The following CNTN3 variants were observed in gnomAD, a reference collection of about 807,000 sequenced individuals.
The protein encoded by CNTN3 is contactin-3.
CNTN3 carries 60 observed loss-of-function variants against 119.1 expected under a neutral mutation model. That is an observed-to-expected ratio of 0.50 (90% CI 0.41 to 0.62). The LOEUF (loss-of-function observed/expected upper bound fraction) is 0.62. Ranked by LOEUF, CNTN3 falls within the 20% of genes least tolerant of loss-of-function variation. The pLI is 0.00. For missense variants in CNTN3, 1,101 were observed against 1,242.4 expected, an observed-to-expected ratio of 0.89 and a Z score of 1.71; for synonymous variants, 450 against 438.7, an observed-to-expected ratio of 1.03 and a Z score of -0.32.
intron 1 of CNTN3, among the ~76,000 whole-genome samples, chr3:74,571,066 G>C (rs1319576908): frequency 6.6e-6 from 1 of 152,142 alleles, no homozygotes; most frequent in Non-Finnish European, 1.5e-5. Context: ...GCAAAGATAA[G>C]TGCTTTTCCG....
chr3:74,341,318 A>T (rs1703540021), intron 11 of CNTN3, among the ~76,000 whole-genome samples: 1 of 152,190 alleles, frequency 6.6e-6, no homozygotes, highest in East Asian at 1.9e-4. Context: ...ATTTTATACC[A>T]CTTCACTATA....
chr3:74,342,177 C>T (rs1703564175), intron 11 of CNTN3, among the ~76,000 whole-genome samples: 1 of 151,926 alleles, frequency 6.6e-6, no homozygotes, highest in Admixed American at 6.6e-5. Flanking sequence ...AGAAAATAAA[C>T]ATGAGAGAAA....
intron 11 of CNTN3, among the ~76,000 whole-genome samples, chr3:74,343,401 G>A (rs1703598262): frequency 6.6e-6 from 1 of 152,230 alleles, no homozygotes; most frequent in Admixed American, 6.5e-5. Flanking sequence ...TTTCTCTGGG[G>A]AGTCATTAGA....
intron 13 of CNTN3, among the ~76,000 whole-genome samples, chr3:74,330,260 C>G (rs1290459661): frequency 6.6e-6 from 1 of 151,816 alleles, no homozygotes; most frequent in Non-Finnish European, 1.5e-5. Context: ...GGAGGCTGAG[C>G]CTTGAGGATC....
chr3:74,442,974 A>C (rs982694393), intron 4 of CNTN3, among the ~76,000 whole-genome samples: 1 of 152,226 alleles, frequency 6.6e-6, no homozygotes, highest in African/African-American at 2.4e-5. Flanking sequence ...TATAGATTCA[A>C]TATCTGCCTC....
Position 74,285,307 on chromosome 3 carries a change from G to A in CNTN3, c.2702C>T (p.Thr901Met), listed in dbSNP as rs141921900. The change falls in exon 20 of 23, where the codon ACG (threonine) becomes ATG (methionine). Residue 901 changes from threonine (T) to methionine (M), a missense_variant and splice_region_variant. Thr to Met is a moderately conservative substitution (Grantham distance 81, BLOSUM62 -1). Transcript: ENST00000263665. Reference sequence around the variant, plus strand: ...CAAAGAAATCAGAATATACTTACGCGTTTTCTTGGTGGTTACATTAACTGT... The same window carrying A: ...CAAAGAAATCAGAATATACTTACGCATTTTCTTGGTGGTTACATTAACTGT... ...SATVNVTTKK[T>M]PPSQPPGNVV... is the part of the protein sequence containing the mutation. 9.6e-3 allele frequency: 15,374 copies of A among 1,601,278 alleles called. 89 individuals carry two copies. Among genetic ancestry groups the A allele is most frequent in the Non-Finnish European group, 0.011 (13,338 of 1,175,724 alleles).
In CNTN3 at chr3:74,338,378, A is replaced by G. The variant is rs146626709; in HGVS notation, c.1365-1720T>C. ...AAGATAGATTTTGTTTTATTTATAT[A>G]TGCATATGTGTATGTGTGTATATAT... On this transcript the variant is annotated intron_variant, in intron 11 of 22. Coordinates refer to ENST00000263665, the MANE Select transcript of CNTN3 (RefSeq NM_020872.3). Among the ~76,000 whole-genome samples, 1,193 of 152,050 alleles carry G rather than the reference A, an allele frequency of 7.8e-3. 18 individuals are homozygous for G. The highest frequency in any genetic ancestry group is 0.027 in the African/African-American group (1,117 of 41,470).
At chr3:74,597,077 A>G (rs1704825673) in intron 1 of CNTN3, among the ~76,000 whole-genome samples, 1 of 152,052 alleles carries the variant, frequency 6.6e-6, no homozygotes, top group Non-Finnish European at 1.5e-5. Context: ...TAAGGTTACA[A>G]CTTAATGAGA....
chr3:74,527,748 C>G lies in CNTN3; in HGVS notation c.-80-6556G>C, dbSNP rs115848684. Among the ~76,000 whole-genome samples the G allele has an allele frequency of 4.1e-3, 622 of 152,016 alleles. 2 individuals carry two copies. The highest frequency in any genetic ancestry group is 0.014 in the African/African-American group (561 of 41,534). Reference sequence around the variant, plus strand: ...CCTCAAATTAACTTGGCCAATTCCACGTCACACTGCTTTACAAGCCTCTCC... The same window carrying G: ...CCTCAAATTAACTTGGCCAATTCCAGGTCACACTGCTTTACAAGCCTCTCC... On this transcript the variant is annotated intron_variant, in intron 1 of 22. Transcript: ENST00000263665.
At chr3:74,351,330 A>G (rs1286191132) in intron 11 of CNTN3, among the ~76,000 whole-genome samples, 1 of 152,212 alleles carries the variant, frequency 6.6e-6, no homozygotes, top group Non-Finnish European at 1.5e-5. Flanking sequence ...CCTATCAGGG[A>G]AACCAATCTC....
chr3:74,365,062 A>G (rs1704157248), intron 9 of CNTN3, among the ~76,000 whole-genome samples: 1 of 152,160 alleles, frequency 6.6e-6, no homozygotes, highest in Non-Finnish European at 1.5e-5. Context: ...GTTTCTAGGT[A>G]GTATGAAAGG....
intron 4 of CNTN3, among the ~76,000 whole-genome samples, chr3:74,474,911 A>G (rs1260389044): frequency 6.6e-6 from 1 of 152,110 alleles, no homozygotes; most frequent in African/African-American, 2.4e-5. Context: ...TGCTCTGGCA[A>G]TGTGACATGC....
At chr3:74,430,662 AT>A (rs1441885859) in intron 4 of CNTN3, among the ~76,000 whole-genome samples, 3 of 152,082 alleles carry the variant, frequency 2.0e-5, no homozygotes, top group African/African-American at 7.2e-5. Flanking sequence ...GAGTGTCGTT[AT>A]CAAAGGGTAC....
intron 2 of CNTN3, among the ~76,000 whole-genome samples, chr3:74,503,440 T>A (rs1214860483): frequency 6.6e-6 from 1 of 152,100 alleles, no homozygotes; most frequent in Admixed American, 6.5e-5. Context: ...GACAGGTCAG[T>A]GCATGCTTCA....
Position 74,594,292 on chromosome 3 carries a change from CT to C in CNTN3, c.-81+20098del, listed in dbSNP as rs1332210790. Among the ~76,000 whole-genome samples, 12 of 102,984 alleles carry C rather than the reference CT, an allele frequency of 1.2e-4. 1 individual carries two copies. The highest frequency in any genetic ancestry group is 7.7e-4 in the South Asian group (2 of 2,606). The allele number at this position is 102,984 out of a possible 152,430, so 67.6% of individuals were successfully genotyped here. On this transcript the variant is annotated intron_variant, in intron 1 of 22. Transcript: ENST00000263665. ...TTTTTTCTTTTTTTTTTTTTTTTTA[CT>C]TTTTTTTTAATTATTATACTTTAAG...
chr3:74,357,657 T>G (rs560639164), intron 11 of CNTN3, among the ~76,000 whole-genome samples: 12 of 152,150 alleles, frequency 7.9e-5, no homozygotes, highest in Non-Finnish European at 1.6e-4. Flanking sequence ...ATGATACATA[T>G]ATAGAATATT....
At chr3:74,565,540 A>T (rs1365555842) in intron 1 of CNTN3, among the ~76,000 whole-genome samples, 1 of 152,178 alleles carries the variant, frequency 6.6e-6, no homozygotes, top group Admixed American at 6.5e-5. Flanking sequence ...TAACATATTC[A>T]TAGGTTCCAG....
At chr3:74,504,000 A>C (rs1703209878) in intron 2 of CNTN3, among the ~76,000 whole-genome samples, 1 of 152,144 alleles carries the variant, frequency 6.6e-6, no homozygotes, top group Non-Finnish European at 1.5e-5. Context: ...TAAAAGATCA[A>C]ACCGCAGACG....
Position 74,428,798 on chromosome 3 carries a change from G to A in CNTN3, c.359-3858C>T, listed in dbSNP as rs559077156. ...TTCACCCACAACAGCCTCCAGTCCC[G>A]CAAGCTCCATTCATGGTAAGTGTTC... On this transcript the variant is annotated intron_variant, in intron 4 of 22. Transcript: ENST00000263665. Among the ~76,000 whole-genome samples the A allele has an allele frequency of 9.2e-5, 14 of 152,172 alleles. No homozygotes were observed. In the South Asian group the frequency reaches 1.9e-3, roughly 20 times the overall value.
Sources: allele counts gnomAD v4.1 joint callset (sites outside exome capture counted in the v4.1 genomes callset), GRCh38; gene constraint gnomAD v4.1.1; transcripts MANE v1.5; gene names NCBI Gene and HGNC (gene_info 2026-07-23, HGNC 2026-07-21).